Variants in INTS6 observed in about 807,000 individuals in gnomAD.
The protein encoded by INTS6 is integrator complex subunit 6, also known as DEAD box protein.
Under a neutral mutation model 104.9 loss-of-function variants are expected in INTS6, and 16 were observed. The observed-to-expected ratio is 0.15, with a 90% CI of 0.10 to 0.23. The LOEUF (loss-of-function observed/expected upper bound fraction) is 0.23. INTS6 is among the 10% of genes least tolerant of loss of function. The probability of loss-of-function intolerance (pLI) is 1.00; values close to 1 mark genes in which losing one functional copy is unlikely to be tolerated. For missense variants in INTS6, 584 were observed against 1,062.8 expected, an observed-to-expected ratio of 0.55 and a Z score of 6.26; for synonymous variants, 324 against 358.7, an observed-to-expected ratio of 0.90 and a Z score of 1.09.
In INTS6 at chr13:51,452,242, C is replaced by T; in HGVS notation, c.111+173G>A. The T allele has an allele frequency of 2.8e-6, 2 of 707,696 alleles. No homozygotes were observed. The highest frequency in any genetic ancestry group is 1.9e-6 in the Non-Finnish European group (1 of 524,896). 43.8% of individuals were successfully genotyped at this position (707,696 alleles called of 1,614,324 possible). The stretch of plus-strand genomic sequence containing the variant: ...CCGCCCGGGGCCGGAGCCCGGGCCC[C>T]GGCCGAACCCGGCTCGCAGCGCCCG... On this transcript the variant is annotated intron_variant, in intron 1 of 17. Coordinates refer to ENST00000311234, the MANE Select transcript of INTS6 (RefSeq NM_012141.3). This position sits in a 1 kb window ranked among gnomAD's most constrained non-coding sequence, Gnocchi z 4.2.
chr13:51,388,299 T>C (rs1956177486), intron 6 of INTS6, among the ~76,000 whole-genome samples: 1 of 152,126 alleles, frequency 6.6e-6, no homozygotes, highest in Non-Finnish European at 1.5e-5. Context: ...TTCTCCCAGG[T>C]ACCTACTTTA....
chr13:51,372,006 C>G (rs1360614315), intron 15 of INTS6, among the ~76,000 whole-genome samples: 1 of 152,076 alleles, frequency 6.6e-6, no homozygotes, highest in Non-Finnish European at 1.5e-5. Context: ...TCAACCTCTC[C>G]CTCTTTACTG....
intron 4 of INTS6, chr13:51,421,254 G>A (rs929007635): frequency 7.1e-6 from 7 of 985,586 alleles, no homozygotes; most frequent in Non-Finnish European, 7.2e-6. Context: ...CAGGAATCAT[G>A]ACCCTCCCTG....
chr13:51,451,643 A>C, intron 2 of INTS6: 1 of 156,736 alleles, frequency 6.4e-6, no homozygotes, highest in Non-Finnish European at 1.4e-5. Context: ...CACTCCGGCT[A>C]ACTTGAATAA....
At chr13:51,369,588 A>T (rs528374087) in intron 15 of INTS6, among the ~76,000 whole-genome samples, 1 of 152,296 alleles carries the variant, frequency 6.6e-6, no homozygotes, top group South Asian at 2.1e-4. Flanking sequence ...ATTCTATAGC[A>T]ATTTTATTGA....
intron 6 of INTS6, among the ~76,000 whole-genome samples, chr13:51,388,621 AACCTCAGGTGATCCACCC>A (rs1956187400): frequency 6.6e-6 from 1 of 152,078 alleles, no homozygotes; most frequent in Non-Finnish European, 1.5e-5. Flanking sequence ...TCAAACTCCC[AACCTCAGGTGATCCACCC>A]ACCTTGGCCT....
chr13:51,374,507 A>G, intron 14 of INTS6, 68 bp from the exon 15 acceptor site: 1 of 1,534,068 alleles, frequency 6.5e-7, no homozygotes, highest in Non-Finnish European at 9.0e-7. Flanking sequence ...ACCAGTGTCA[A>G]TTCCAATGAA....
At chr13:51,348,147 G>T in the INTS6 span, 1 of 1,266,942 alleles carries the variant, frequency 7.9e-7, no homozygotes, top group African/African-American at 1.5e-5. Flanking sequence ...CTCTCTCAGG[G>T]TCCGACACTG....
At chr13:51,429,007 A>G (rs893283684) in intron 4 of INTS6, among the ~76,000 whole-genome samples, 3 of 152,196 alleles carry the variant, frequency 2.0e-5, no homozygotes, top group Non-Finnish European at 4.4e-5. Context: ...ACCTTCATAT[A>G]CATTATTTCA....
At chr13:51,395,070 A>C (rs950679435) in intron 5 of INTS6, among the ~76,000 whole-genome samples, 2 of 152,230 alleles carry the variant, frequency 1.3e-5, no homozygotes, top group Non-Finnish European at 2.9e-5. Context: ...TTTTCTATAC[A>C]AGTAGAAAAA....
chr13:51,433,512 C>T (rs1298791866), intron 3 of INTS6, among the ~76,000 whole-genome samples: 1 of 152,172 alleles, frequency 6.6e-6, no homozygotes, highest in African/African-American at 2.4e-5. Context: ...CCTGTATAAG[C>T]ACACTTAGAA....
intron 7 of INTS6, among the ~76,000 whole-genome samples, chr13:51,386,129 AT>A (rs372651886): frequency 2.2e-4 from 34 of 151,804 alleles, no homozygotes; most frequent in African/African-American, 7.7e-4. Flanking sequence ...TCACTTCCAT[AT>A]TTTTTTTCTC....
At chr13:51,443,122 A>G (rs1000989301) in intron 3 of INTS6, 2 of 152,228 alleles carry the variant, frequency 1.3e-5, no homozygotes, top group African/African-American at 4.8e-5. Flanking sequence ...AATAATATAC[A>G]AATCCTTAAT....
chr13:51,438,997 T>C (rs1385401373), intron 3 of INTS6: 4 of 152,200 alleles, frequency 2.6e-5, no homozygotes, highest in East Asian at 3.8e-4. Context: ...ATTTCCAGTG[T>C]TGAAACCCCA....
Position 51,383,345 on chromosome 13 carries a change from G to A in INTS6, c.1164C>T (p.Val388=), listed in dbSNP as rs756129038. The A allele has an allele frequency of 5.6e-6, 9 of 1,611,716 alleles. No individual in the cohort carries two copies. The highest frequency in any genetic ancestry group is 1.7e-5 in the Admixed American group (1 of 59,730). The change falls in exon 9 of 18, where the codon GTC becomes GTT. Residue 388 remains valine (V), a synonymous_variant. Coordinates refer to ENST00000311234, the MANE Select transcript of INTS6 (RefSeq NM_012141.3). ...NLFVMPYNYP[V]LLPLLDDLFK... Reference sequence around the variant, plus strand: ...ATGACTTACCTAAGAGGGGAAGAAGGACTGGATAATTGTAAGGCATCACAA... The same window carrying A: ...ATGACTTACCTAAGAGGGGAAGAAGAACTGGATAATTGTAAGGCATCACAA...
chr13:51,355,628 C>T (rs1465004890), intron 3 of INTS6, among the ~76,000 whole-genome samples: 3 of 152,208 alleles, frequency 2.0e-5, no homozygotes, highest in Non-Finnish European at 1.5e-5. Context: ...TACCCATACT[C>T]TTACAACCTT....
At position 51,453,019 on chromosome 13, in the gene INTS6, C is replaced by T. The variant is rs1953100498; in HGVS notation, c.-494G>A. The T allele has an allele frequency of 9.9e-7, 1 of 1,011,420 alleles. No individual in the cohort carries two copies. The highest frequency in any genetic ancestry group is 1.2e-6 in the Non-Finnish European group (1 of 846,048). The allele number at this position is 1,011,420 out of a possible 1,614,324, so 62.7% of individuals were successfully genotyped here. A position where few individuals can be genotyped will look rare whatever the true frequency, so the allele number is the denominator to read the frequency against. Reference sequence around the variant, plus strand: ...CCGGCGGTGTCACCACTTTCTCAGCCCCTCTCGCTACTGAAGCGCTTTTCT... The same window carrying T: ...CCGGCGGTGTCACCACTTTCTCAGCTCCTCTCGCTACTGAAGCGCTTTTCT... On this transcript the variant is annotated 5_prime_UTR_variant, in exon 1 of 18. Coordinates refer to ENST00000311234, the MANE Select transcript of INTS6 (RefSeq NM_012141.3).
At chr13:51,378,601 T>C (rs985296542) in intron 11 of INTS6, 147 bp from the exon 12 acceptor site, 4 of 417,096 alleles carry the variant, frequency 9.6e-6, no homozygotes, top group Admixed American at 4.0e-5. Flanking sequence ...ATGTCAAGTA[T>C]TGGGTAAATT....
intron 17 of INTS6, among the ~76,000 whole-genome samples, chr13:51,367,572 T>G (rs543765392): frequency 6.6e-6 from 1 of 152,194 alleles, no homozygotes; most frequent in African/African-American, 2.4e-5. Flanking sequence ...TCTCCAAGTA[T>G]CCAGTAATTT....
Sources: gnomAD v4.1 joint callset for allele counts (sites outside exome capture counted in the v4.1 genomes callset) on GRCh38, gnomAD v4.1.1 for gene constraint, Gnocchi (gnomAD v3.1) non-coding constraint, MANE v1.5 for transcripts, NCBI Gene and HGNC (gene_info 2026-07-23, HGNC 2026-07-21) for gene names.